NTRK1: variants seen among roughly 807,000 people sequenced by gnomAD.
NTRK1 encodes high affinity nerve growth factor receptor.
A neutral mutation model predicts 86.8 loss-of-function variants in NTRK1; 62 were observed. That is an observed-to-expected ratio of 0.71 (90% CI 0.58 to 0.88). The LOEUF is 0.88. Among genes scored for constraint, NTRK1 ranks in the 40% least tolerant of loss-of-function variants. NTRK1 has a pLI of 0.00. For missense variants in NTRK1, 967 were observed against 1,078.4 expected, an observed-to-expected ratio of 0.90 and a Z score of 1.45; for synonymous variants, 469 against 456.6, an observed-to-expected ratio of 1.03 and a Z score of -0.35.
At position 156,880,115 on chromosome 1, in the gene NTRK1, C is replaced by T. The variant is rs1004859172; in HGVS notation, c.2163C>T (p.Phe721=). Residue 721 remains phenylalanine, a synonymous_variant, in exon 16 of 17, where the codon TTC becomes TTT. Coordinates refer to ENST00000524377, the MANE Select transcript of NTRK1 (RefSeq NM_002529.4). ...TCGGCGTGGTGCTCTGGGAGATCTT[C>T]ACCTACGGCAAGCAGCCCTGGTACC... ...WSFGVVLWEI[F]TYGKQPWYQL... is the part of the protein sequence containing the mutation. 2 of 1,613,610 alleles carry T rather than the reference C, an allele frequency of 1.2e-6. No individual in the cohort carries two copies. Among genetic ancestry groups the T allele is most frequent in the African/African-American group, 2.7e-5 (2 of 74,846 alleles).
intron 6 of NTRK1, among the ~76,000 whole-genome samples, chr1:156,869,598 T>C (rs1189711419): frequency 1.3e-5 from 2 of 152,198 alleles, no homozygotes; most frequent in Non-Finnish European, 2.9e-5. Flanking sequence ...GAAAAATCCC[T>C]TAATCTGCCT....
At chr1:156,817,192 A>G (rs1231106479) in intron 1 of NTRK1, among the ~76,000 whole-genome samples, 4 of 152,140 alleles carry the variant, frequency 2.6e-5, no homozygotes, top group Non-Finnish European at 5.9e-5. Flanking sequence ...CAAGGTGCTT[A>G]TGGATCATGC....
At chr1:156,860,268 T>C (rs931217267), upstream of NTRK1, among the ~76,000 whole-genome samples, 2 of 152,182 alleles carry the variant, frequency 1.3e-5, no homozygotes, top group East Asian at 3.9e-4. Flanking sequence ...CGCGCCACCC[T>C]GTGGCTTCTC....
rs77290135 is a variant in NTRK1 at position 156,836,963 on chromosome 1, T to G, written c.-63-5118T>G. Among the ~76,000 whole-genome samples the G allele has an allele frequency of 3.6e-3, 551 of 152,294 alleles. 1 individual carries two copies. The highest frequency in any genetic ancestry group is 0.013 in the African/African-American group (528 of 41,546). ...TTTCAGAGTTAGGGAAATCCAGATA[T>G]CCACGCCCAGTGGTCACCCCACCCC... On this transcript the variant is annotated intron_variant, in intron 1 of 16. Coordinates refer to the NTRK1 transcript ENST00000392302.
chr1:156,871,001 C>A (rs976947827), intron 6 of NTRK1, among the ~76,000 whole-genome samples: 1 of 152,198 alleles, frequency 6.6e-6, no homozygotes, highest in Admixed American at 6.5e-5. Context: ...TTGTTTCTAA[C>A]TGCTGCTGTG....
At chr1:156,871,250 C>A (rs1477442041) in intron 6 of NTRK1, among the ~76,000 whole-genome samples, 1 of 152,076 alleles carries the variant, frequency 6.6e-6, no homozygotes, top group Admixed American at 6.6e-5. Flanking sequence ...TTAGATTTTT[C>A]AGATAATTAA....
chr1:156,823,520 G>A (rs1160793900), intron 1 of NTRK1, among the ~76,000 whole-genome samples: 1 of 152,190 alleles, frequency 6.6e-6, no homozygotes. Flanking sequence ...TGAGAGATCA[G>A]GCATTCTGTA....
At chr1:156,880,254 G>A in intron 16 of NTRK1, 97 bp downstream of exon 16, 1 of 1,370,204 alleles carries the variant, frequency 7.3e-7, no homozygotes, top group Non-Finnish European at 1.0e-6. Flanking sequence ...CTGCCCCTCT[G>A]CCACAGCCTG....
intron 2 of NTRK1, among the ~76,000 whole-genome samples, chr1:156,855,649 C>T (rs1250869553): frequency 6.6e-6 from 1 of 151,960 alleles, no homozygotes; most frequent in African/African-American, 2.4e-5. Context: ...ATGGCAAAAC[C>T]CCACCTCTAA....
intron 2 of NTRK1, chr1:156,845,659 T>G (rs1654971077): frequency 6.2e-7 from 1 of 1,609,448 alleles, no homozygotes; most frequent in Non-Finnish European, 8.5e-7. Flanking sequence ...TTTTCAAACT[T>G]CTTCTGGAAC....
chr1:156,837,545 A>C (rs1477612600), intron 1 of NTRK1, among the ~76,000 whole-genome samples: 5 of 152,206 alleles, frequency 3.3e-5, no homozygotes, highest in Non-Finnish European at 2.9e-5. Flanking sequence ...GGGGGTGGAC[A>C]GGGAGTGTCA....
chr1:156,834,089 G>A (rs1429436825), intron 1 of NTRK1, among the ~76,000 whole-genome samples: 1 of 152,148 alleles, frequency 6.6e-6, no homozygotes, highest in Non-Finnish European at 1.5e-5. Flanking sequence ...ACCTAGAGTG[G>A]TTTCTGTTTT....
At chr1:156,827,597 A>G (rs1654356320) in intron 1 of NTRK1, among the ~76,000 whole-genome samples, 1 of 151,874 alleles carries the variant, frequency 6.6e-6, no homozygotes, top group South Asian at 2.1e-4. Context: ...GAGTCTCCCT[A>G]TGTTTCCCAG....
chr1:156,817,604 C>T (rs1253302257), intron 1 of NTRK1, among the ~76,000 whole-genome samples: 1 of 151,270 alleles, frequency 6.6e-6, no homozygotes, highest in Non-Finnish European at 1.5e-5. Flanking sequence ...AGTATCAACA[C>T]TATCAGCAGT....
chr1:156,858,888 A>G, upstream of NTRK1: 1 of 497,006 alleles, frequency 2.0e-6, no homozygotes, highest in Non-Finnish European at 3.6e-6. Flanking sequence ...GCAGACAGTG[A>G]CAGGGAGAGT....
intron 1 of NTRK1, among the ~76,000 whole-genome samples, chr1:156,836,167 T>C (rs11264570): frequency 0.63 from 95,786 of 151,966 alleles, 30,807 homozygotes; most frequent in East Asian, 0.8. Context: ...GGAGCCAGAG[T>C]GGGCCCTCAG....
intron 2 of NTRK1, among the ~76,000 whole-genome samples, chr1:156,843,776 G>A (rs887701408): frequency 1.3e-5 from 2 of 152,218 alleles, no homozygotes; most frequent in African/African-American, 4.8e-5. Context: ...AGTCAGCCCT[G>A]GAAGGATCTG....
At chr1:156,859,644 G>C (rs1655539084), upstream of NTRK1, among the ~76,000 whole-genome samples, 1 of 152,154 alleles carries the variant, frequency 6.6e-6, no homozygotes, top group Admixed American at 6.5e-5. The surrounding 1 kb of genome is among the most constrained non-coding windows in gnomAD (Gnocchi z 6.2). Context: ...GGAAGAAGGC[G>C]ATCACTGTGT....
At chr1:156,843,705 C>T (rs530206113) in intron 2 of NTRK1, among the ~76,000 whole-genome samples, 130 of 152,350 alleles carry the variant, frequency 8.5e-4, no homozygotes, top group Admixed American at 2.0e-3. Flanking sequence ...AAGGGGCTTC[C>T]GCCCTGTCAG....
Sources: allele counts gnomAD v4.1 joint callset (sites outside exome capture counted in the v4.1 genomes callset), GRCh38; gene constraint gnomAD v4.1.1; non-coding constraint Gnocchi (gnomAD v3.1); transcripts MANE v1.5; gene names NCBI Gene and HGNC (gene_info 2026-07-23, HGNC 2026-07-21).